CACNA2D2: variants seen among roughly 807,000 people sequenced by gnomAD.
The protein encoded by CACNA2D2 is voltage-dependent calcium channel subunit alpha-2/delta-2.
Under a neutral mutation model 166.4 loss-of-function variants are expected in CACNA2D2, and 48 were observed. The ratio of observed to expected loss-of-function variants is 0.29; its 90% CI spans 0.23 to 0.37. The LOEUF is 0.37. Ranked by LOEUF, CACNA2D2 falls within the 10% of genes least tolerant of loss-of-function variation. CACNA2D2 has a pLI of 1.00. For missense variants in CACNA2D2, 1,122 were observed against 1,433.0 expected, an observed-to-expected ratio of 0.78 and a Z score of 3.50; for synonymous variants, 561 against 573.7, an observed-to-expected ratio of 0.98 and a Z score of 0.32.
intron 3 of CACNA2D2, among the ~76,000 whole-genome samples, chr3:50,404,940 C>CA (rs1706628052): frequency 6.6e-6 from 1 of 152,152 alleles, no homozygotes; most frequent in Non-Finnish European, 1.5e-5. Flanking sequence ...GAATGTATTC[C>CA]CACCTGAAAG....
chr3:50,395,088 C>A (rs1270335616), intron 3 of CACNA2D2, among the ~76,000 whole-genome samples: 1 of 152,224 alleles, frequency 6.6e-6, no homozygotes, highest in East Asian at 1.9e-4. Context: ...AAGGATGGAA[C>A]TGAGTCTGGC....
intron 3 of CACNA2D2, among the ~76,000 whole-genome samples, chr3:50,431,025 G>C (rs1221347364): frequency 2.0e-5 from 3 of 152,156 alleles, no homozygotes; most frequent in African/African-American, 7.2e-5. Context: ...CTGATTAGAT[G>C]AGACAATGAA....
intron 1 of CACNA2D2, among the ~76,000 whole-genome samples, 156 bp downstream of exon 1, chr3:50,503,062 C>G (rs547480213): frequency 1.3e-5 from 2 of 152,262 alleles, no homozygotes; most frequent in South Asian, 4.1e-4. Flanking sequence ...CGGCTGCCAG[C>G]CTTCGGGGCT....
chr3:50,491,702 C>T (rs1698530756), intron 1 of CACNA2D2, among the ~76,000 whole-genome samples: 1 of 152,218 alleles, frequency 6.6e-6, no homozygotes, highest in South Asian at 2.1e-4. Context: ...AGACCCGGAT[C>T]AGGGGAGGAC....
intron 1 of CACNA2D2, among the ~76,000 whole-genome samples, chr3:50,486,061 A>C (rs1364584203): frequency 1.4e-5 from 2 of 145,582 alleles, no homozygotes; most frequent in East Asian, 4.6e-4. Context: ...TGGGAACAGA[A>C]GTCCTGCCCG....
At chr3:50,487,338 T>C (rs1698331758) in intron 1 of CACNA2D2, among the ~76,000 whole-genome samples, 1 of 152,234 alleles carries the variant, frequency 6.6e-6, no homozygotes, top group South Asian at 2.1e-4. Flanking sequence ...GGGGAAGTCC[T>C]TCCTTATACC....
At chr3:50,384,997 C>T (rs1418186701) in intron 5 of CACNA2D2, among the ~76,000 whole-genome samples, 1 of 152,150 alleles carries the variant, frequency 6.6e-6, no homozygotes, top group African/African-American at 2.4e-5. Context: ...CTGAAAGGGC[C>T]CCTGTTGATT....
intron 3 of CACNA2D2, among the ~76,000 whole-genome samples, chr3:50,430,434 C>T (rs910385647): frequency 4.6e-5 from 7 of 152,212 alleles, no homozygotes; most frequent in Admixed American, 3.9e-4. Flanking sequence ...AAGTTGACGC[C>T]CCTGGAGTTG....
At chr3:50,498,941 G>A (rs1210677089) in intron 1 of CACNA2D2, among the ~76,000 whole-genome samples, 1 of 152,146 alleles carries the variant, frequency 6.6e-6, no homozygotes, top group Non-Finnish European at 1.5e-5. Context: ...TCATTTTTCT[G>A]AGGTCAGTCT....
At chr3:50,382,049 T>A (rs1421808887) in intron 6 of CACNA2D2, among the ~76,000 whole-genome samples, 1 of 148,970 alleles carries the variant, frequency 6.7e-6, no homozygotes, top group Non-Finnish European at 1.5e-5. Flanking sequence ...GAGAATGGAC[T>A]CCAATCCTGC....
rs369597235 is a variant in CACNA2D2, at chr3:50,435,312, CGTGTGT to C, written c.289-889_289-884del. Among the ~76,000 whole-genome samples the C allele has an allele frequency of 3.2e-3, 477 of 151,146 alleles. 3 individuals are homozygous for C. Among genetic ancestry groups the C allele is most frequent in the African/African-American group, 0.011 (451 of 41,102 alleles). On this transcript the variant is annotated intron_variant, in intron 2 of 37. Transcript: ENST00000424201. ...TCTTGGGTGTGTGCGTGTGCGTGTG[CGTGTGT>C]GTGTGCATTTGTATGCATCACATAC...
chr3:50,377,875 A>T, intron 15 of CACNA2D2, 72 bp from the exon 16 acceptor site: 1 of 1,500,052 alleles, frequency 6.7e-7, no homozygotes, highest in Non-Finnish European at 9.2e-7. Flanking sequence ...CAGAGCAGGG[A>T]CTGAGGTGCA....
At chr3:50,387,359 C>T (rs587606040) in intron 5 of CACNA2D2, among the ~76,000 whole-genome samples, 36 of 152,346 alleles carry the variant, frequency 2.4e-4, no homozygotes, top group Admixed American at 4.6e-4. Context: ...CCTCACACTG[C>T]AGTCAAGCTC....
intron 2 of CACNA2D2, among the ~76,000 whole-genome samples, chr3:50,458,252 C>T (rs895536573): frequency 1.3e-5 from 2 of 152,226 alleles, no homozygotes; most frequent in African/African-American, 2.4e-5. Flanking sequence ...GGGCACCTGG[C>T]CACGGGGAGA....
In CACNA2D2 at chr3:50,365,247, C is replaced by CGGCCCCGCCCCCGGCCGCTCGGA; in HGVS notation, c.3098+86_3099-64dup. 1 of 1,380,282 alleles carries CGGCCCCGCCCCCGGCCGCTCGGA rather than the reference C, an allele frequency of 7.2e-7. No individual in the cohort carries two copies. Among genetic ancestry groups the CGGCCCCGCCCCCGGCCGCTCGGA allele is most frequent in the Non-Finnish European group, 1.0e-6 (1 of 996,736 alleles). The allele number at this position is 1,380,282 out of a possible 1,614,324, so 85.5% of individuals were successfully genotyped here. On this transcript the variant is annotated intron_variant, in intron 35 of 37. Transcript: ENST00000424201. The surrounding 1 kb of genome is among the most constrained non-coding windows in gnomAD (Gnocchi z 4.5). ...CCCGCCCTGACCCACCCCCATCCTG[C>CGGCCCCGCCCCCGGCCGCTCGGA]GGCCCCGCCCCCGGCCGCTCGGAGG...
At chr3:50,470,664 A>C (rs1366985925) in intron 2 of CACNA2D2, among the ~76,000 whole-genome samples, 1 of 150,594 alleles carries the variant, frequency 6.6e-6, no homozygotes, top group African/African-American at 2.4e-5. Context: ...GTCTCCCCAC[A>C]CAGTGCTCAA....
In CACNA2D2 at chr3:50,434,321, C is replaced by T. The variant is rs1708209384; in HGVS notation, c.397G>A (p.Ala133Thr). The change falls in exon 3 of 38, where the codon GCC (alanine) becomes ACC (threonine). Residue 133 changes from alanine to threonine, a missense_variant. This residue lies in a region of CACNA2D2 where 840 missense variants were observed against 1,166.8 expected (regional missense o/e 0.72). Transcript: ENST00000424201. ...IESLLDRKVQ[A>T]LKRLADAAEN... ...CCAAAACACACACCTACCTTCAGGG[C>T]CTGCACCTTCCTGTCCAGAAGGCTC... 2 of 1,611,988 alleles carry T rather than the reference C, an allele frequency of 1.2e-6. No individual in the cohort carries two copies. The highest frequency in any genetic ancestry group is 1.7e-5 in the Admixed American group (1 of 60,006).
intron 1 of CACNA2D2, among the ~76,000 whole-genome samples, chr3:50,482,648 A>G (rs1406442754): frequency 6.6e-6 from 1 of 152,128 alleles, no homozygotes; most frequent in African/African-American, 2.4e-5. Context: ...TCCCTCCTCA[A>G]GCCTGCAGCT....
At chr3:50,483,785 G>C (rs77901066) in intron 1 of CACNA2D2, among the ~76,000 whole-genome samples, 1 of 152,296 alleles carries the variant, frequency 6.6e-6, no homozygotes, top group East Asian at 1.9e-4. Context: ...CATATCTCAA[G>C]GGGTCTGATG....
Sources: allele counts gnomAD v4.1 joint callset (sites outside exome capture counted in the v4.1 genomes callset), GRCh38; gene constraint gnomAD v4.1.1; regional missense constraint gnomAD v4.1.1; non-coding constraint Gnocchi (gnomAD v3.1); transcripts MANE v1.5; gene names NCBI Gene and HGNC (gene_info 2026-07-23, HGNC 2026-07-21).